Variants in CORIN observed in about 807,000 individuals in gnomAD.
CORIN encodes corin, serine peptidase, also known as atrial natriuretic peptide-converting enzyme.
In CORIN, 117 loss-of-function variants were observed where a neutral mutation model predicts 125.3. The observed-to-expected ratio is 0.93, with a 90% CI of 0.80 to 1.09. CORIN has a LOEUF of 1.09. CORIN is among the 50% of genes least tolerant of loss of function. CORIN has a pLI of 0.00. For missense variants in CORIN, 1,253 were observed against 1,306.7 expected, an observed-to-expected ratio of 0.96 and a Z score of 0.63; for synonymous variants, 450 against 466.4, an observed-to-expected ratio of 0.96 and a Z score of 0.45.
At chr4:47,709,642 A>G (rs929809519) in intron 5 of CORIN, among the ~76,000 whole-genome samples, 6 of 152,176 alleles carry the variant, frequency 3.9e-5, no homozygotes, top group African/African-American at 1.4e-4. Flanking sequence ...CTTTAAAAAT[A>G]ATAAATAAAA....
At chr4:47,627,812 A>T (rs1722641650) in intron 16 of CORIN, among the ~76,000 whole-genome samples, 1 of 152,174 alleles carries the variant, frequency 6.6e-6, no homozygotes, top group African/African-American at 2.4e-5. Flanking sequence ...TAAACTTTAG[A>T]TTTTGTTATT....
At chr4:47,726,352 A>G (rs1350475476) in intron 5 of CORIN, among the ~76,000 whole-genome samples, 1 of 152,142 alleles carries the variant, frequency 6.6e-6, no homozygotes. Context: ...CAGCCATACA[A>G]TGGAATACTA....
At chr4:47,636,446 T>C (rs1723031346) in intron 16 of CORIN, among the ~76,000 whole-genome samples, 1 of 152,208 alleles carries the variant, frequency 6.6e-6, no homozygotes, top group Non-Finnish European at 1.5e-5. Flanking sequence ...AACATGCAAG[T>C]AGCAAAGTCA....
rs1729571749 is a variant in CORIN at position 47,763,604 on chromosome 4, G to A, written c.410-18C>T. The A allele has an allele frequency of 6.2e-7, 1 of 1,600,484 alleles. No individual in the cohort carries two copies. The highest frequency in any genetic ancestry group is 8.6e-7 in the Non-Finnish European group (1 of 1,167,646). On this transcript the variant is annotated intron_variant, in intron 3 of 21. Coordinates refer to ENST00000273857, the MANE Select transcript of CORIN (RefSeq NM_006587.4). ...ACAGGCACCTGGGAAGTAAAGACAT[G>A]CACATTTAAGAGTGGACACATCAGA... is the stretch of plus-strand genomic sequence containing the variant.
chr4:47,714,848 T>C (rs1727015704), intron 5 of CORIN, among the ~76,000 whole-genome samples: 2 of 152,200 alleles, frequency 1.3e-5, no homozygotes, highest in Admixed American at 1.3e-4. Context: ...AATCAACACA[T>C]CTTTCTGCTT....
intron 10 of CORIN, among the ~76,000 whole-genome samples, chr4:47,672,937 T>C (rs974386921): frequency 3.9e-5 from 6 of 152,012 alleles, no homozygotes; most frequent in Admixed American, 2.6e-4. Context: ...GTAACAGTTA[T>C]AGAGGTACTC....
At position 47,645,126 on chromosome 4, in the gene CORIN, C is replaced by A; in HGVS notation, c.1912G>T (p.Asp638Tyr). 1 of 1,613,174 alleles carries A rather than the reference C, an allele frequency of 6.2e-7. No individual in the cohort carries two copies. The stretch of plus-strand genomic sequence containing the variant: ...TAATCAGGGCAGTCTGGGAACCCAT[C>A]GCAGATCACTGTGTGCTTCAAACAT... The part of the protein sequence containing the change: ...KQCLKHTVIC[D>Y]GFPDCPDYMD... The change falls in exon 14 of 22, where the codon GAT (aspartate) becomes TAT (tyrosine). Residue 638 changes from aspartate to tyrosine, a missense_variant. Coordinates refer to ENST00000273857, the MANE Select transcript of CORIN (RefSeq NM_006587.4).
At chr4:47,692,922 T>C in intron 6 of CORIN, 48 bp downstream of exon 6, 1 of 1,379,456 alleles carries the variant, frequency 7.2e-7, no homozygotes, top group Non-Finnish European at 1.0e-6. Context: ...TGTCAGGATT[T>C]GAGAATCCCT....
At chr4:47,729,867 G>A (rs1012929549) in intron 5 of CORIN, among the ~76,000 whole-genome samples, 1 of 152,192 alleles carries the variant, frequency 6.6e-6, no homozygotes, top group South Asian at 2.1e-4. Context: ...AAAGAGAGAA[G>A]AGAGAGGTTC....
intron 3 of CORIN, among the ~76,000 whole-genome samples, chr4:47,770,794 T>C (rs1271591527): frequency 6.6e-6 from 1 of 152,116 alleles, no homozygotes; most frequent in Non-Finnish European, 1.5e-5. Flanking sequence ...AAAAACCACA[T>C]GATTTCACTT....
intron 3 of CORIN, among the ~76,000 whole-genome samples, chr4:47,781,538 G>A (rs1197138027): frequency 6.6e-6 from 1 of 152,200 alleles, no homozygotes; most frequent in Non-Finnish European, 1.5e-5. Context: ...AAGCTACAAT[G>A]TTCTATAGGT....
intron 5 of CORIN, among the ~76,000 whole-genome samples, chr4:47,717,716 T>A (rs1727158736): frequency 3.9e-5 from 6 of 152,190 alleles, no homozygotes; most frequent in Admixed American, 3.9e-4. Flanking sequence ...TCATGTTCAA[T>A]CTGTTAGACC....
chr4:47,815,460 A>T (rs12645873), intron 1 of CORIN, among the ~76,000 whole-genome samples: 24,331 of 152,032 alleles, frequency 0.16, 2,169 homozygotes, highest in East Asian at 0.33. Flanking sequence ...AGAGCACTGT[A>T]GGAGGGTCAT....
At chr4:47,808,506 G>T (rs1731896959) in intron 1 of CORIN, among the ~76,000 whole-genome samples, 2 of 152,140 alleles carry the variant, frequency 1.3e-5, no homozygotes, top group Admixed American at 1.3e-4. Context: ...TGCAAGCAGT[G>T]TTCACTACAT....
At chr4:47,598,333 C>A (rs1403075785) in intron 21 of CORIN, among the ~76,000 whole-genome samples, 1 of 151,888 alleles carries the variant, frequency 6.6e-6, no homozygotes, top group Non-Finnish European at 1.5e-5. Flanking sequence ...TGGTTTTCTA[C>A]CTGAAGTTGT....
chr4:47,751,911 T>C (rs1407992452), intron 4 of CORIN, among the ~76,000 whole-genome samples: 3 of 152,200 alleles, frequency 2.0e-5, no homozygotes, highest in African/African-American at 7.2e-5. Flanking sequence ...GGAGCTGAGA[T>C]AGAGCTAGTT....
chr4:47,613,717 C>A (rs1721958652), intron 19 of CORIN, among the ~76,000 whole-genome samples: 1 of 147,476 alleles, frequency 6.8e-6, no homozygotes, highest in South Asian at 2.2e-4. Context: ...AACAAAAAAC[C>A]AAACACCGCA....
chr4:47,674,502 TAC>T lies in CORIN; in HGVS notation c.1250-4_1250-3del. Reference sequence around the variant, plus strand: ...CTCCTTCTTGACATGAAGTCTGAACTACAGAGGGAGGAAAAGGCACATTGGCT... The same window carrying T: ...CTCCTTCTTGACATGAAGTCTGAACTAGAGGGAGGAAAAGGCACATTGGCT... On this transcript the variant is annotated splice_polypyrimidine_tract_variant and splice_region_variant and intron_variant, in intron 9 of 21. Transcript: ENST00000273857. 6.3e-7 allele frequency: 1 copy of T among 1,592,482 alleles called. No homozygotes were observed. Among genetic ancestry groups the T allele is most frequent in the Non-Finnish European group, 8.6e-7 (1 of 1,160,450 alleles).
chr4:47,745,733 T>C (rs1728634639), intron 4 of CORIN, among the ~76,000 whole-genome samples: 1 of 152,188 alleles, frequency 6.6e-6, no homozygotes, highest in African/African-American at 2.4e-5. Flanking sequence ...CAATACCCCA[T>C]TCATACTTCT....
Sources: gnomAD v4.1 joint callset for allele counts (sites outside exome capture counted in the v4.1 genomes callset) on GRCh38, gnomAD v4.1.1 for gene constraint, MANE v1.5 for transcripts, NCBI Gene and HGNC (gene_info 2026-07-23, HGNC 2026-07-21) for gene names.